The following GCC2 variants were observed in gnomAD, a reference collection of about 807,000 sequenced individuals.
The protein encoded by GCC2 is GRIP and coiled-coil domain containing 2.
In GCC2, 120 loss-of-function variants were observed where a neutral mutation model predicts 210.6. The observed-to-expected ratio is 0.57, with a 90% CI of 0.49 to 0.66. The LOEUF (loss-of-function observed/expected upper bound fraction) is 0.66. Among genes scored for constraint, GCC2 ranks in the 30% least tolerant of loss-of-function variants. GCC2 has a pLI of 0.00. For synonymous variants in GCC2, 703 were observed against 652.7 expected (o/e 1.08, Z -1.17); for missense variants, 1,868 against 1,871.9 (o/e 1.00, Z 0.04).
At chr2:108,468,082 C>G (rs1334492188) in intron 4 of GCC2, among the ~76,000 whole-genome samples, 1 of 147,024 alleles carries the variant, frequency 6.8e-6, no homozygotes, top group African/African-American at 2.5e-5. Flanking sequence ...TTTTTTTTGA[C>G]ACATAGTCTT....
In GCC2 at chr2:108,471,696, C is replaced by A; in HGVS notation, c.2367C>A (p.Ser789=). ...VVNVLQAVGE[S]LAKINEEKCN... ...ATGTCCTACAGGCAGTCGGTGAATC[C>A]TTGGCAAAAATAAATGAGGAAAAAT... is the stretch of plus-strand genomic sequence containing the variant. The change falls in exon 6 of 23, where the codon TCC becomes TCA. Residue 789 remains serine, a synonymous_variant. Coordinates refer to ENST00000309863, the MANE Select transcript of GCC2 (RefSeq NM_181453.4). 6.2e-7 allele frequency: 1 copy of A among 1,613,442 alleles called. No homozygotes were observed. The highest frequency in any genetic ancestry group is 8.5e-7 in the Non-Finnish European group (1 of 1,179,720).
rs1160864211 is a variant in GCC2, at chr2:108,471,469, CAAA to C, written c.2143_2145del (p.Lys715del). On this transcript the variant is annotated inframe_deletion, in exon 6 of 23. Coordinates refer to ENST00000309863, the MANE Select transcript of GCC2 (RefSeq NM_181453.4). ...TAGGGATTTGGAGGTTTTTTTGTCT[CAAA>C]AAGAAGATGTTATCCTTAAAGAACA... 3.1e-6 allele frequency: 5 copies of C among 1,608,530 alleles called. No individual in the cohort carries two copies. The highest frequency in any genetic ancestry group is 4.2e-6 in the Non-Finnish European group (5 of 1,178,310).
chr2:108,507,130 C>T (rs941620672), intron 22 of GCC2, among the ~76,000 whole-genome samples: 4 of 152,070 alleles, frequency 2.6e-5, no homozygotes, highest in Non-Finnish European at 4.4e-5. Flanking sequence ...TACAGTGGCT[C>T]GTGACTGTAA....
intron 4 of GCC2, among the ~76,000 whole-genome samples, chr2:108,456,368 G>T (rs571026447): frequency 7.9e-5 from 12 of 152,252 alleles, no homozygotes; most frequent in Middle Eastern, 6.8e-3. Flanking sequence ...TCTCCACATT[G>T]TCATCAATAT....
chr2:108,452,962 G>A (rs899731458), intron 4 of GCC2, among the ~76,000 whole-genome samples: 2 of 152,152 alleles, frequency 1.3e-5, no homozygotes, highest in South Asian at 4.1e-4. Flanking sequence ...AAAGTGCTGG[G>A]ATTACAGGCG....
intron 1 of GCC2, 159 bp downstream of exon 1, chr2:108,449,439 G>A: frequency 7.3e-7 from 1 of 1,378,684 alleles, no homozygotes; most frequent in Middle Eastern, 1.9e-4. Context: ...TATCCCTGGG[G>A]GTTACCTGCC....
chr2:108,451,859 T>TC (rs1553434627), intron 3 of GCC2, among the ~76,000 whole-genome samples: 78 of 135,398 alleles, frequency 5.8e-4, no homozygotes, highest in African/African-American at 7.8e-4. Context: ...TTTTTTTTTT[T>TC]CAAGACGGAG....
intron 3 of GCC2, among the ~76,000 whole-genome samples, chr2:108,451,651 CTT>C (rs1679951926): frequency 6.6e-6 from 1 of 151,696 alleles, no homozygotes; most frequent in African/African-American, 2.4e-5. Flanking sequence ...TTTCCAGTGA[CTT>C]ATAAATATTA....
intron 18 of GCC2, among the ~76,000 whole-genome samples, chr2:108,490,332 A>AT (rs902186759): frequency 7.9e-5 from 12 of 151,426 alleles, no homozygotes; most frequent in Admixed American, 3.3e-4. Context: ...AATCATAAGC[A>AT]TTTTTTTTTC....
In GCC2 at chr2:108,471,786, A is replaced by G. The variant is rs1380536974; in HGVS notation, c.2457A>G (p.Gln819=). Residue 819 remains glutamine, a synonymous_variant, in exon 6 of 23, where the codon CAA becomes CAG. Transcript: ENST00000309863. ...LELEKEIKCL[Q]EESVVQCEEL... ...TAGAAAAAGAGATTAAGTGCCTTCAAGAAGAGAGTGTAGTTCAGTGTGAAG... is the reference window on the plus strand; with the variant it reads ...TAGAAAAAGAGATTAAGTGCCTTCAGGAAGAGAGTGTAGTTCAGTGTGAAG... 2 of 1,613,330 alleles carry G rather than the reference A, an allele frequency of 1.2e-6. No homozygotes were observed. Among genetic ancestry groups the G allele is most frequent in the African/African-American group, 2.7e-5 (2 of 74,914 alleles).
chr2:108,495,288 T>A lies in GCC2; in HGVS notation c.4448-3T>A. 6.4e-7 allele frequency: 1 copy of A among 1,572,366 alleles called. No individual in the cohort carries two copies. Among genetic ancestry groups the A allele is most frequent in the Non-Finnish European group, 8.6e-7 (1 of 1,163,824 alleles). ...CACTTAACCTTTTAAAAAAATCTAATAGGCCCAGTTTCCTCTCAACAATCT... is the reference window on the plus strand; with the variant it reads ...CACTTAACCTTTTAAAAAAATCTAAAAGGCCCAGTTTCCTCTCAACAATCT... On this transcript the variant is annotated splice_polypyrimidine_tract_variant and splice_region_variant and intron_variant, in intron 19 of 22. Coordinates refer to ENST00000309863, the MANE Select transcript of GCC2 (RefSeq NM_181453.4).
chr2:108,467,026 A>G (rs1336211106), intron 4 of GCC2, among the ~76,000 whole-genome samples: 2 of 152,180 alleles, frequency 1.3e-5, no homozygotes, highest in East Asian at 1.9e-4. Context: ...TTATTTTTCT[A>G]TAGCCTTAGA....
In GCC2 at chr2:108,475,645, C is replaced by A; in HGVS notation, c.2961+10C>A. ...TTCCAGCAGAAAAGAGGTGAGCTGA[C>A]TTTAAAAATGTAAGATTCCGGAATC... On this transcript the variant is annotated intron_variant, in intron 8 of 22. Transcript: ENST00000309863. The A allele has an allele frequency of 6.6e-7, 1 of 1,507,766 alleles. No individual in the cohort carries two copies. Among genetic ancestry groups the A allele is most frequent in the Non-Finnish European group, 9.0e-7 (1 of 1,110,310 alleles). 93.4% of individuals were successfully genotyped at this position (1,507,766 alleles called of 1,614,324 possible).
rs770143810 is a variant in GCC2, at chr2:108,473,598, A to G, written c.2860+699A>G. Among the ~76,000 whole-genome samples, 35 of 152,324 alleles carry G rather than the reference A, an allele frequency of 2.3e-4. 1 individual carries two copies. Among genetic ancestry groups the G allele is most frequent in the Admixed American group, 1.1e-3 (17 of 15,306 alleles). ...GCTCTTTTATTCCCATATAAGAATCAGGAAACGAAGACTTAGAAGTATGTA... is the reference window on the plus strand; with the variant it reads ...GCTCTTTTATTCCCATATAAGAATCGGGAAACGAAGACTTAGAAGTATGTA... On this transcript the variant is annotated intron_variant, in intron 7 of 22. Coordinates refer to ENST00000309863, the MANE Select transcript of GCC2 (RefSeq NM_181453.4).
At position 108,483,071 on chromosome 2, in the gene GCC2, A is replaced by C. The variant is rs773563468; in HGVS notation, c.3355A>C (p.Thr1119Pro). The stretch of plus-strand genomic sequence containing the variant: ...TTATTTTTAATTTCAGGAACATGCC[A>C]CTACTGTAAATGAACTTGAAGAACT... ...QKEQKIKEHA[T>P]TVNELEELQV... Residue 1119 changes from threonine to proline, a missense_variant, in exon 12 of 23, where the codon ACT (threonine) becomes CCT (proline). Transcript: ENST00000309863. 1.3e-6 allele frequency: 2 copies of C among 1,538,924 alleles called. No homozygotes were observed. The highest frequency in any genetic ancestry group is 1.8e-6 in the Non-Finnish European group (2 of 1,112,022).
chr2:108,454,393 A>G (rs1680131952), intron 4 of GCC2, among the ~76,000 whole-genome samples: 1 of 152,208 alleles, frequency 6.6e-6, no homozygotes, highest in Admixed American at 6.5e-5. Context: ...TTAAATCCAT[A>G]TGCATGTCAC....
At chr2:108,450,806 T>G (rs1486458375) in intron 2 of GCC2, among the ~76,000 whole-genome samples, 1 of 152,022 alleles carries the variant, frequency 6.6e-6, no homozygotes, top group African/African-American at 2.4e-5. Context: ...TGCTTGAACT[T>G]GGGAGGCAGA....
intron 11 of GCC2, 91 bp downstream of exon 11, chr2:108,482,542 A>G (rs2577615): frequency 0.17 from 108,648 of 634,786 alleles, 10,333 homozygotes; most frequent in African/African-American, 0.28. Context: ...TAAGAGTAGC[A>G]TTTATGAATA....
Position 108,472,171 on chromosome 2 carries a change from A to AT in GCC2, c.2787+56dup, listed in dbSNP as rs1480073307. ...AATAAATTCTTAGTTCAACTCTACA[A>AT]TATATACGTTAAACATTTTTACACC... On this transcript the variant is annotated intron_variant, in intron 6 of 22. Transcript: ENST00000309863. 5 of 1,212,362 alleles carry AT rather than the reference A, an allele frequency of 4.1e-6. No individual in the cohort carries two copies. The African/African-American group carries it at 7.7e-5, about 19-fold the overall frequency. The allele number at this position is 1,212,362 out of a possible 1,614,324, so 75.1% of individuals were successfully genotyped here.
Sources: allele counts gnomAD v4.1 joint callset (sites outside exome capture counted in the v4.1 genomes callset), GRCh38; gene constraint gnomAD v4.1.1; transcripts MANE v1.5; gene names NCBI Gene and HGNC (gene_info 2026-07-23, HGNC 2026-07-21).